Variants in LRRC49 observed in about 807,000 individuals in gnomAD.
LRRC49 encodes the protein leucine rich repeat containing 49.
In LRRC49, 50 loss-of-function variants were observed where a neutral mutation model predicts 83.3. That is an observed-to-expected ratio of 0.60 (90% confidence interval 0.48 to 0.76). The LOEUF is 0.76. LRRC49 is among the 30% of genes least tolerant of loss of function. The pLI, the probability that LRRC49 is intolerant of heterozygous loss-of-function variation, is 0.00. For synonymous variants in LRRC49, 286 were observed against 283.3 expected, an observed-to-expected ratio of 1.01 and a Z score of -0.10; for missense variants, 704 against 809.1, an observed-to-expected ratio of 0.87 and a Z score of 1.58.
chr15:70,940,013 G>C lies in LRRC49; in HGVS notation c.773+3191G>C, dbSNP rs551073066. Reference sequence around the variant, plus strand: ...ATTCTCTAAGACAAGATAATCCTCCGGGCTGTTTTCAAAATTTTACTGAAA... The same window carrying C: ...ATTCTCTAAGACAAGATAATCCTCCCGGCTGTTTTCAAAATTTTACTGAAA... On this transcript the variant is annotated intron_variant, in intron 8 of 15. Transcript: ENST00000260382. Among the ~76,000 whole-genome samples, 21 of 151,538 alleles carry C rather than the reference G, an allele frequency of 1.4e-4. No homozygotes were observed. In the South Asian group the frequency reaches 2.3e-3, roughly 17 times the overall value.
chr15:70,979,243 G>A (rs2037314973), intron 9 of LRRC49, among the ~76,000 whole-genome samples: 2 of 152,162 alleles, frequency 1.3e-5, no homozygotes, highest in East Asian at 3.9e-4. Context: ...TGTAAGATTT[G>A]AGTTAGGTGT....
chr15:70,865,325 C>CT (rs1247025100), intron 1 of LRRC49, among the ~76,000 whole-genome samples: 1 of 151,492 alleles, frequency 6.6e-6, no homozygotes, highest in Non-Finnish European at 1.5e-5. Context: ...TTATCACCAT[C>CT]TTTTTTCACC....
At chr15:70,982,950 C>T (rs2037457944) in intron 10 of LRRC49, among the ~76,000 whole-genome samples, 1 of 152,138 alleles carries the variant, frequency 6.6e-6, no homozygotes, top group Admixed American at 6.5e-5. Flanking sequence ...AATTATTCTA[C>T]ATGTACTGAA....
intron 8 of LRRC49, among the ~76,000 whole-genome samples, chr15:70,960,689 T>C (rs889213888): frequency 6.6e-6 from 1 of 152,128 alleles, no homozygotes; most frequent in African/African-American, 2.4e-5. Flanking sequence ...AGAGAAAGGA[T>C]AGTCTTTTCA....
chr15:70,964,198 T>C (rs922965821), intron 9 of LRRC49, among the ~76,000 whole-genome samples: 6 of 152,150 alleles, frequency 3.9e-5, no homozygotes. Context: ...CAAATAATAA[T>C]TTATTTTGAA....
intron 1 of LRRC49, chr15:70,859,024 C>T: frequency 8.0e-7 from 1 of 1,243,644 alleles, no homozygotes; most frequent in Non-Finnish European, 1.2e-6. Flanking sequence ...AGTTTGCCTC[C>T]TTCATAGACA....
At chr15:70,988,068 T>C (rs1439206156) in intron 11 of LRRC49, among the ~76,000 whole-genome samples, 1 of 151,776 alleles carries the variant, frequency 6.6e-6, no homozygotes, top group Non-Finnish European at 1.5e-5. Flanking sequence ...ATGTGGTCAA[T>C]TTTGGAATAG....
chr15:70,976,880 G>A (rs2141216880), intron 9 of LRRC49, among the ~76,000 whole-genome samples: 1 of 151,756 alleles, frequency 6.6e-6, no homozygotes, highest in South Asian at 2.1e-4. Flanking sequence ...TAATTATTTG[G>A]GCTGAAATAT....
chr15:70,874,905 A>G (rs1456927348), intron 2 of LRRC49, among the ~76,000 whole-genome samples: 1 of 152,252 alleles, frequency 6.6e-6, no homozygotes, highest in Non-Finnish European at 1.5e-5. Flanking sequence ...TCAGCGAACA[A>G]CAGCAGCATG....
chr15:70,975,597 G>A (rs1339458741), intron 9 of LRRC49, among the ~76,000 whole-genome samples: 1 of 152,124 alleles, frequency 6.6e-6, no homozygotes, highest in Non-Finnish European at 1.5e-5. Flanking sequence ...GGGGACTGAG[G>A]CAGGAGGATC....
At chr15:70,933,977 C>T (rs2035508337) in intron 7 of LRRC49, among the ~76,000 whole-genome samples, 1 of 152,152 alleles carries the variant, frequency 6.6e-6, no homozygotes, top group Non-Finnish European at 1.5e-5. Context: ...GCAAAGACTT[C>T]AGGTGATCTG....
chr15:70,969,183 T>C (rs1267521325), intron 9 of LRRC49, among the ~76,000 whole-genome samples: 1 of 152,204 alleles, frequency 6.6e-6, no homozygotes, highest in Non-Finnish European at 1.5e-5. Context: ...AGGGGTCCAG[T>C]TTCAGCTTTC....
chr15:70,989,711 T>G (rs892771858), intron 11 of LRRC49, among the ~76,000 whole-genome samples: 9 of 152,200 alleles, frequency 5.9e-5, no homozygotes, highest in Non-Finnish European at 1.3e-4. Flanking sequence ...GGCGCTCTGC[T>G]TTTTAGAGTT....
At chr15:70,891,828 G>A (rs1286250510), upstream of LRRC49, 4 of 1,544,748 alleles carry the variant, frequency 2.6e-6, no homozygotes, top group East Asian at 2.3e-5. Context: ...CACAACCTTC[G>A]GTGGTCTCTC....
At chr15:70,882,217 T>C in intron 2 of LRRC49, 1 of 391,030 alleles carries the variant, frequency 2.6e-6, no homozygotes, top group East Asian at 4.0e-5. Flanking sequence ...ACCTGATTTC[T>C]ACCAAAAGGA....
intron 9 of LRRC49, among the ~76,000 whole-genome samples, chr15:70,977,860 A>G (rs2037263175): frequency 6.6e-6 from 1 of 152,100 alleles, no homozygotes; most frequent in Non-Finnish European, 1.5e-5. Context: ...TTTTGTTTCT[A>G]GCAGGCCATG....
chr15:71,003,819 C>T (rs1176974823), intron 11 of LRRC49, among the ~76,000 whole-genome samples: 1 of 152,186 alleles, frequency 6.6e-6, no homozygotes, highest in African/African-American at 2.4e-5. Context: ...GAACTAAAGT[C>T]TATCTCACTT....
At chr15:70,936,600 C>T (rs1289423188) in intron 7 of LRRC49, 161 bp from the exon 8 acceptor site, 1 of 567,616 alleles carries the variant, frequency 1.8e-6, no homozygotes, top group Non-Finnish European at 3.1e-6. Flanking sequence ...CCCATTTAAT[C>T]TGCAGTGGAG....
chr15:70,864,845 G>A (rs2032876658), intron 1 of LRRC49, among the ~76,000 whole-genome samples: 2 of 152,124 alleles, frequency 1.3e-5, no homozygotes, highest in Non-Finnish European at 2.9e-5. Context: ...AAAATTCCAG[G>A]TGTCTGTTCA....
Sources: allele counts gnomAD v4.1 joint callset (sites outside exome capture counted in the v4.1 genomes callset), GRCh38; gene constraint gnomAD v4.1.1; transcripts MANE v1.5; gene names NCBI Gene and HGNC (gene_info 2026-07-23, HGNC 2026-07-21).